Variants in CSNK2A1 observed in about 807,000 individuals in gnomAD.
The protein encoded by CSNK2A1 is casein kinase II subunit alpha.
CSNK2A1 carries 10 observed loss-of-function variants against 62.9 expected under a neutral mutation model. The ratio of observed to expected loss-of-function variants is 0.16; its 90% confidence interval spans 0.10 to 0.27. CSNK2A1 has a LOEUF of 0.27. CSNK2A1 is among the 10% of genes least tolerant of loss of function. CSNK2A1 has a pLI of 1.00. For missense variants in CSNK2A1, 160 were observed against 492.0 expected (o/e 0.33, Z 6.38); for synonymous variants, 124 against 167.8 (o/e 0.74, Z 2.02).
intron 1 of CSNK2A1, among the ~76,000 whole-genome samples, chr20:537,090 T>C (rs1237457073): frequency 2.0e-5 from 3 of 152,138 alleles, no homozygotes; most frequent in Admixed American, 2.0e-4. Context: ...ATTTCAAATG[T>C]TCACTTTTCC....
At chr20:542,344 C>A (rs536495569) in intron 1 of CSNK2A1, among the ~76,000 whole-genome samples, 33 of 152,324 alleles carry the variant, frequency 2.2e-4, no homozygotes, top group Admixed American at 1.1e-3. Context: ...ATTTGAGAAC[C>A]TAGGCAGTCT....
chr20:522,313 CTT>C (rs1004758000), intron 2 of CSNK2A1, among the ~76,000 whole-genome samples: 7 of 152,206 alleles, frequency 4.6e-5, no homozygotes, highest in Non-Finnish European at 8.8e-5. Flanking sequence ...ACCTGGCAGA[CTT>C]TACTGAAATA....
chr20:538,685 G>A (rs1425071340), intron 1 of CSNK2A1, among the ~76,000 whole-genome samples: 1 of 152,190 alleles, frequency 6.6e-6, no homozygotes, highest in African/African-American at 2.4e-5. Context: ...TTACAAGTTT[G>A]AGCTGAGCTG....
intron 9 of CSNK2A1, among the ~76,000 whole-genome samples, chr20:491,776 T>A (rs1345096422): frequency 4.6e-5 from 7 of 151,722 alleles, no homozygotes; most frequent in African/African-American, 1.7e-4. Flanking sequence ...ACAAGAAAAA[T>A]TAGCTGGGGT....
intron 1 of CSNK2A1, among the ~76,000 whole-genome samples, chr20:537,954 A>G (rs1057426514): frequency 1.3e-5 from 2 of 150,852 alleles, no homozygotes; most frequent in African/African-American, 4.9e-5. Flanking sequence ...TATTATAGAC[A>G]GTTAACATCT....
chr20:510,100 T>C (rs775968255), intron 2 of CSNK2A1: 6 of 152,022 alleles, frequency 3.9e-5, no homozygotes, highest in Non-Finnish European at 8.8e-5. Flanking sequence ...ATTCAGAGGG[T>C]ATTAAATTAT....
chr20:513,651 C>T (rs1395204169), intron 2 of CSNK2A1, among the ~76,000 whole-genome samples: 1 of 152,224 alleles, frequency 6.6e-6, no homozygotes, highest in Non-Finnish European at 1.5e-5. Context: ...CATGTACATT[C>T]TCATCACCCA....
intron 2 of CSNK2A1, among the ~76,000 whole-genome samples, chr20:516,379 T>A (rs1242132786): frequency 6.6e-6 from 1 of 152,184 alleles, no homozygotes. Context: ...ACGAAAAAAG[T>A]ATCATGTCAA....
chr20:506,565 A>G (rs962591477), intron 3 of CSNK2A1: 13 of 152,294 alleles, frequency 8.5e-5, no homozygotes, highest in African/African-American at 2.9e-4. Context: ...TGCTCTGAAG[A>G]ATGACAAACA....
intron 2 of CSNK2A1, among the ~76,000 whole-genome samples, chr20:519,675 C>T (rs1390547561): frequency 6.6e-6 from 1 of 151,894 alleles, no homozygotes; most frequent in African/African-American, 2.4e-5. Flanking sequence ...CTGCAGTGTG[C>T]TGAAAAAAAT....
chr20:492,373 G>T lies in CSNK2A1; in HGVS notation c.511-9C>A. 2 of 1,613,514 alleles carry T rather than the reference G, an allele frequency of 1.2e-6. No homozygotes were observed. Among genetic ancestry groups the T allele is most frequent in the Non-Finnish European group, 1.7e-6 (2 of 1,179,614 alleles). On this transcript the variant is annotated splice_polypyrimidine_tract_variant and intron_variant, in intron 8 of 13. Coordinates refer to ENST00000217244, the MANE Select transcript of CSNK2A1 (RefSeq NM_177559.3). ...CAGTCTATTAGTCGTAGCTGAAAAA[G>T]AATAAACCATGAGCAATCTTATCTT...
chr20:543,297 A>G (rs1449629623), intron 1 of CSNK2A1: 1 of 155,128 alleles, frequency 6.4e-6, no homozygotes, highest in Non-Finnish European at 1.4e-5. Flanking sequence ...CTCCCTCCGC[A>G]CCCTCCCCCA....
At chr20:521,969 A>G (rs1407704010) in intron 2 of CSNK2A1, among the ~76,000 whole-genome samples, 1 of 152,246 alleles carries the variant, frequency 6.6e-6, no homozygotes, top group East Asian at 1.9e-4. Flanking sequence ...AGGGGTCCCC[A>G]ATCCCCGGGC....
At chr20:535,901 T>C (rs1291341883) in intron 1 of CSNK2A1, among the ~76,000 whole-genome samples, 1 of 152,170 alleles carries the variant, frequency 6.6e-6, no homozygotes. Context: ...GCTGGCCTTC[T>C]CCAAACATAT....
In CSNK2A1 at chr20:477,430, A is replaced by G. The variant is rs1451753031; in HGVS notation, c.*6531T>C. 1 of 152,274 alleles carries G rather than the reference A, an allele frequency of 6.6e-6. No individual in the cohort carries two copies. The highest frequency in any genetic ancestry group is 6.5e-5 in the Admixed American group (1 of 15,274). The allele number at this position is 152,274 out of a possible 1,614,324, so 9.4% of individuals were successfully genotyped here. ...GCTGGTCTGGGACTCCCGGCTCCCA[A>G]AGTGTTCCAACCACAGGTGTGTGGG... On this transcript the variant is annotated 3_prime_UTR_variant, in exon 14 of 14. Coordinates refer to ENST00000217244, the MANE Select transcript of CSNK2A1 (RefSeq NM_177559.3).
intron 12 of CSNK2A1, chr20:486,838 C>G (rs888258951): frequency 4.9e-6 from 1 of 205,132 alleles, no homozygotes; most frequent in African/African-American, 2.3e-5. Context: ...TAGGCCAAAG[C>G]TATAGGTCCA....
intron 2 of CSNK2A1, among the ~76,000 whole-genome samples, chr20:517,936 T>C (rs2018862136): frequency 6.6e-6 from 1 of 152,220 alleles, no homozygotes; most frequent in Non-Finnish European, 1.5e-5. Context: ...GTATCATTAA[T>C]TCACAAGCTT....
Position 499,297 on chromosome 20 carries a change from G to C in CSNK2A1, c.324C>G (p.Thr108=), listed in dbSNP as rs1274862487. 1 of 1,607,932 alleles carries C rather than the reference G, an allele frequency of 6.2e-7. No individual in the cohort carries two copies. Among genetic ancestry groups the C allele is most frequent in the Non-Finnish European group, 8.5e-7 (1 of 1,177,084 alleles). Residue 108 remains threonine, a synonymous_variant, in exon 6 of 14, where the codon ACC becomes ACG. Transcript: ENST00000217244. This position sits in a 1 kb window ranked among gnomAD's most constrained non-coding sequence, Gnocchi z 4.2. ...ADIVKDPVSR[T]PALVFEHVNN... is the part of the protein sequence containing the mutation. ...TTACGTGTTCAAAAACCAAGGCGGG[G>C]GTTCGTGACTAGGGGAAAAGAACAA...
At chr20:503,269 C>G (rs1167864538) in intron 4 of CSNK2A1, 1 of 380,284 alleles carries the variant, frequency 2.6e-6, no homozygotes, top group African/African-American at 2.1e-5. Context: ...TTTAGCCCCT[C>G]GAGGACCTGC....
Sources: gnomAD v4.1 joint callset for allele counts (sites outside exome capture counted in the v4.1 genomes callset) on GRCh38, gnomAD v4.1.1 for gene constraint, Gnocchi (gnomAD v3.1) non-coding constraint, MANE v1.5 for transcripts, NCBI Gene and HGNC (gene_info 2026-07-23, HGNC 2026-07-21) for gene names.